HSD17B2: variants seen among roughly 807,000 people sequenced by gnomAD.
HSD17B2 encodes 17-beta-hydroxysteroid dehydrogenase type 2.
In HSD17B2, 32 loss-of-function variants were observed where a neutral mutation model predicts 26.9. The observed-to-expected ratio is 1.19, with a 90% CI of 0.90 to 1.60. The LOEUF (loss-of-function observed/expected upper bound fraction) is 1.60, where lower values mean the gene tolerates loss of function less well. HSD17B2 is among the 40% of genes most tolerant of loss of function. The pLI, the probability that HSD17B2 is intolerant of heterozygous loss-of-function variation, is 0.00. For missense variants in HSD17B2, 613 were observed against 468.6 expected, an observed-to-expected ratio of 1.31 and a Z score of -2.85; for synonymous variants, 246 against 186.7, an observed-to-expected ratio of 1.32 and a Z score of -2.59.
intron 1 of HSD17B2, among the ~76,000 whole-genome samples, chr16:82,041,958 T>A (rs1913777247): frequency 6.6e-6 from 1 of 152,098 alleles, no homozygotes; most frequent in Admixed American, 6.5e-5. Context: ...AAAAAATTTA[T>A]CATCTCCTCT....
chr16:82,047,400 C>G (rs1913966027), intron 1 of HSD17B2, among the ~76,000 whole-genome samples: 2 of 152,214 alleles, frequency 1.3e-5, no homozygotes, highest in Non-Finnish European at 1.5e-5. Flanking sequence ...GATTAGAATC[C>G]ATTCATTCGT....
intron 4 of HSD17B2, 55 bp from the exon 5 acceptor site, chr16:82,098,020 C>G (rs1365462923): frequency 6.4e-7 from 1 of 1,551,004 alleles, no homozygotes; most frequent in African/African-American, 1.4e-5. Flanking sequence ...AGCGCCTGCT[C>G]CCTGACTTCC....
chr16:82,090,864 T>C (rs778207500), intron 3 of HSD17B2, 38 bp from the exon 4 acceptor site: 1 of 1,566,224 alleles, frequency 6.4e-7, no homozygotes, highest in Non-Finnish European at 8.7e-7. Flanking sequence ...AAATGAACAT[T>C]TCTAACTTTG....
intron 1 of HSD17B2, among the ~76,000 whole-genome samples, chr16:82,043,768 A>G (rs1418299199): frequency 6.6e-6 from 1 of 150,884 alleles, no homozygotes; most frequent in Admixed American, 6.6e-5. Flanking sequence ...CCTGAACACC[A>G]TTTTCAGGAT....
Position 82,077,732 on chromosome 16 carries a change from AAAGAAAGAAAGAAAG to A in HSD17B2, c.664+6620_664+6634del, listed in dbSNP as rs548279249. Among the ~76,000 whole-genome samples, 603 of 151,992 alleles carry A rather than the reference AAAGAAAGAAAGAAAG, an allele frequency of 4.0e-3. 2 individuals carry two copies. Among genetic ancestry groups the A allele is most frequent in the Admixed American group, 6.3e-3 (96 of 15,262 alleles). ...GATGACAGAGTGAGACCCTGTTTCA[AAAGAAAGAAAGAAAG>A]AAGAAAGAAAGAAAAGAAAGAAAGA... is the stretch of plus-strand genomic sequence containing the variant. On this transcript the variant is annotated intron_variant, in intron 3 of 4. Transcript: ENST00000199936.
chr16:82,066,263 T>C (rs1379159113), intron 1 of HSD17B2, among the ~76,000 whole-genome samples: 2 of 152,140 alleles, frequency 1.3e-5, no homozygotes, highest in Non-Finnish European at 2.9e-5. Context: ...TGCTGGGCAA[T>C]GACATACATG....
intron 1 of HSD17B2, among the ~76,000 whole-genome samples, chr16:82,054,511 AT>A (rs1914207625): frequency 1.3e-5 from 2 of 152,046 alleles, no homozygotes; most frequent in Non-Finnish European, 2.9e-5. Flanking sequence ...GAGCTGGCTA[AT>A]TTTTGCATTT....
intron 4 of HSD17B2, 25 bp downstream of exon 4, chr16:82,091,064 G>A (rs1478631898): frequency 1.9e-6 from 3 of 1,612,632 alleles, no homozygotes; most frequent in Admixed American, 1.7e-5. Flanking sequence ...CCAAGAACCT[G>A]TGATGTTCAT....
chr16:82,058,349 G>A (rs1914335180), intron 1 of HSD17B2, among the ~76,000 whole-genome samples: 2 of 152,110 alleles, frequency 1.3e-5, no homozygotes, highest in Non-Finnish European at 2.9e-5. Flanking sequence ...GGAATTACAG[G>A]TGTGAGCTAC....
At chr16:82,046,282 C>G (rs1913926018) in intron 1 of HSD17B2, among the ~76,000 whole-genome samples, 1 of 152,096 alleles carries the variant, frequency 6.6e-6, no homozygotes, top group African/African-American at 2.4e-5. Flanking sequence ...CTCGGTGCCA[C>G]AAAACCCTCA....
At chr16:82,084,115 G>A (rs779889652) in intron 3 of HSD17B2, among the ~76,000 whole-genome samples, 5 of 151,998 alleles carry the variant, frequency 3.3e-5, no homozygotes, top group Admixed American at 6.6e-5. Context: ...CTTGCTCTTC[G>A]GTTACTAGCT....
chr16:82,087,951 C>T (rs1307911710), intron 3 of HSD17B2, among the ~76,000 whole-genome samples: 1 of 152,168 alleles, frequency 6.6e-6, no homozygotes, highest in African/African-American at 2.4e-5. Context: ...CCTCTTGGTG[C>T]ACCCCACCTC....
chr16:82,081,745 CTTT>C (rs1904386889), intron 3 of HSD17B2, among the ~76,000 whole-genome samples: 1 of 152,112 alleles, frequency 6.6e-6, no homozygotes, highest in African/African-American at 2.4e-5. Flanking sequence ...CCCCGCACTT[CTTT>C]ATTTTTAAAA....
At chr16:82,076,160 G>A (rs969585342) in intron 3 of HSD17B2, among the ~76,000 whole-genome samples, 3 of 151,818 alleles carry the variant, frequency 2.0e-5, no homozygotes, top group African/African-American at 7.3e-5. Context: ...TCTAAGAAAA[G>A]CATCTGATAA....
At chr16:82,077,407 C>G (rs1904308068) in intron 3 of HSD17B2, among the ~76,000 whole-genome samples, 1 of 152,116 alleles carries the variant, frequency 6.6e-6, no homozygotes, top group Non-Finnish European at 1.5e-5. Context: ...ATAACATACA[C>G]CAGGGAAAGG....
At chr16:82,078,946 A>T (rs971928105) in intron 3 of HSD17B2, among the ~76,000 whole-genome samples, 5 of 152,238 alleles carry the variant, frequency 3.3e-5, no homozygotes, top group African/African-American at 1.2e-4. Flanking sequence ...CGAATGAATA[A>T]GATGTACTAT....
chr16:82,081,566 A>T (rs1481950738), intron 3 of HSD17B2, among the ~76,000 whole-genome samples: 1 of 152,100 alleles, frequency 6.6e-6, no homozygotes, highest in East Asian at 1.9e-4. Context: ...TTGTCCCTGT[A>T]AAGTGGAGGC....
chr16:82,049,870 T>C (rs758312345), intron 1 of HSD17B2, among the ~76,000 whole-genome samples: 35 of 152,248 alleles, frequency 2.3e-4, no homozygotes, highest in Non-Finnish European at 4.6e-4. Context: ...TGGGGCTGCA[T>C]GCATACAGAG....
At chr16:82,055,086 C>T (rs904604040) in intron 1 of HSD17B2, among the ~76,000 whole-genome samples, 3 of 152,224 alleles carry the variant, frequency 2.0e-5, no homozygotes, top group Admixed American at 6.5e-5. Flanking sequence ...TGTCTCCAGA[C>T]ATTGTCAAAT....
Sources: gnomAD v4.1 joint callset for allele counts (sites outside exome capture counted in the v4.1 genomes callset) on GRCh38, gnomAD v4.1.1 for gene constraint, MANE v1.5 for transcripts, NCBI Gene and HGNC (gene_info 2026-07-23, HGNC 2026-07-21) for gene names.